Variants in IMMP2L observed in about 807,000 individuals in gnomAD.
IMMP2L encodes the protein mitochondrial inner membrane protease subunit 2.
In IMMP2L, 18 loss-of-function variants were observed where a neutral mutation model predicts 19.3. The observed-to-expected ratio is 0.93, with a 90% confidence interval of 0.64 to 1.38. The LOEUF is 1.38. Ranked by LOEUF, IMMP2L falls within the 40% of genes most tolerant of loss-of-function variation. The pLI is 0.00. For missense variants in IMMP2L, 233 were observed against 218.2 expected (o/e 1.07, Z -0.43); for synonymous variants, 76 against 73.0 (o/e 1.04, Z -0.21).
intron 3 of IMMP2L, among the ~76,000 whole-genome samples, chr7:111,317,762 A>G (rs1824266432): frequency 6.6e-6 from 1 of 152,160 alleles, no homozygotes; most frequent in African/African-American, 2.4e-5. Flanking sequence ...AGAAAAATTT[A>G]AGATGCTTAA....
chr7:110,886,739 G>A, intron 4 of IMMP2L, 44 bp from the exon 5 acceptor site: 1 of 896,176 alleles, frequency 1.1e-6, no homozygotes, highest in Non-Finnish European at 1.9e-6. Context: ...GTAGAAAAGA[G>A]ATCAAACTGC....
intron 3 of IMMP2L, among the ~76,000 whole-genome samples, chr7:111,231,093 C>A (rs951958126): frequency 6.7e-6 from 1 of 150,360 alleles, no homozygotes; most frequent in South Asian, 2.1e-4. Context: ...AATACTGAAA[C>A]CAATAAATTT....
At chr7:110,782,320 TA>T (rs1799797029) in intron 5 of IMMP2L, among the ~76,000 whole-genome samples, 1 of 151,820 alleles carries the variant, frequency 6.6e-6, no homozygotes, top group African/African-American at 2.4e-5. Context: ...AAAATAACAG[TA>T]GGGGAAAAAA....
At chr7:111,141,201 C>T (rs1455453740) in intron 3 of IMMP2L, among the ~76,000 whole-genome samples, 1 of 151,954 alleles carries the variant, frequency 6.6e-6, no homozygotes, top group African/African-American at 2.4e-5. Flanking sequence ...GTGTTACCAC[C>T]AAATTCCATA....
At chr7:110,940,164 A>G (rs1816576893) in intron 4 of IMMP2L, among the ~76,000 whole-genome samples, 1 of 151,786 alleles carries the variant, frequency 6.6e-6, no homozygotes, top group Admixed American at 6.6e-5. Flanking sequence ...TAAAAATACA[A>G]AAAAATTAGC....
At chr7:111,355,211 TA>T (rs1828573736) in intron 3 of IMMP2L, among the ~76,000 whole-genome samples, 1 of 146,322 alleles carries the variant, frequency 6.8e-6, no homozygotes, top group African/African-American at 2.8e-5. Flanking sequence ...AAAGTTCCTT[TA>T]TTTTTTACAA....
chr7:111,276,605 A>G (rs1819087466), intron 3 of IMMP2L, among the ~76,000 whole-genome samples: 1 of 151,040 alleles, frequency 6.6e-6, no homozygotes, highest in Non-Finnish European at 1.5e-5. Flanking sequence ...TTTTCACAGA[A>G]TTAGAAAAAA....
intron 3 of IMMP2L, among the ~76,000 whole-genome samples, chr7:111,169,509 C>G (rs1486711734): frequency 6.6e-6 from 1 of 151,858 alleles, no homozygotes; most frequent in East Asian, 1.9e-4. Context: ...ATTCAGCGTT[C>G]TGAGGGAGAA....
intron 3 of IMMP2L, among the ~76,000 whole-genome samples, chr7:111,290,923 T>C (rs1821040591): frequency 6.6e-6 from 1 of 151,736 alleles, no homozygotes; most frequent in Non-Finnish European, 1.5e-5. Flanking sequence ...CAGTAGAGAT[T>C]TTTGTCTGCT....
rs559623198 is a variant in IMMP2L at position 111,309,988 on chromosome 7, A to C, written c.239+177250T>G. ...GGTGGCTCACACCTGTAATCCCAGC[A>C]CTTTGGGAGGCCAAGGCGGGTGGAT... On this transcript the variant is annotated intron_variant, in intron 3 of 5. Coordinates refer to ENST00000405709, the MANE Select transcript of IMMP2L (RefSeq NM_032549.4). Among the ~76,000 whole-genome samples, 3 of 152,218 alleles carry C rather than the reference A, an allele frequency of 2.0e-5. No homozygotes were observed. The South Asian group carries it at 6.2e-4, about 32-fold the overall frequency.
At chr7:111,534,119 T>C (rs1397779163) in intron 1 of IMMP2L, among the ~76,000 whole-genome samples, 1 of 152,140 alleles carries the variant, frequency 6.6e-6, no homozygotes, top group African/African-American at 2.4e-5. Context: ...ACAAATTTAA[T>C]ATGGTAATAT....
intron 3 of IMMP2L, among the ~76,000 whole-genome samples, chr7:111,440,854 C>A (rs1359863096): frequency 6.6e-6 from 1 of 151,894 alleles, no homozygotes; most frequent in African/African-American, 2.4e-5. Flanking sequence ...TGTCAATTAT[C>A]TTAGCTGGAT....
intron 3 of IMMP2L, among the ~76,000 whole-genome samples, chr7:111,287,302 G>T (rs531513131): frequency 6.6e-6 from 1 of 152,030 alleles, no homozygotes; most frequent in Non-Finnish European, 1.5e-5. Context: ...ATCTCTAAAC[G>T]TACATATTCC....
At chr7:111,283,764 G>A (rs575153550) in intron 3 of IMMP2L, among the ~76,000 whole-genome samples, 174 of 151,884 alleles carry the variant, frequency 1.1e-3, no homozygotes, top group Non-Finnish European at 4.1e-4. Flanking sequence ...GAGGTCAGGA[G>A]ATCGAGACCA....
chr7:111,103,726 G>C (rs559997675), intron 3 of IMMP2L, among the ~76,000 whole-genome samples: 2 of 151,540 alleles, frequency 1.3e-5, no homozygotes, highest in South Asian at 2.1e-4. Context: ...TGTATGTGTC[G>C]GGTGCAGAAG....
At chr7:111,164,828 A>G (rs1054284340) in intron 3 of IMMP2L, among the ~76,000 whole-genome samples, 1 of 151,712 alleles carries the variant, frequency 6.6e-6, no homozygotes, top group South Asian at 2.1e-4. Flanking sequence ...ATTAAAAAAA[A>G]TTTTTTTTGC....
At chr7:111,185,476 G>T (rs1035500957) in intron 3 of IMMP2L, among the ~76,000 whole-genome samples, 2 of 152,080 alleles carry the variant, frequency 1.3e-5, no homozygotes, top group African/African-American at 2.4e-5. Context: ...AGGACTGAAG[G>T]TCTGAAAGTG....
intron 5 of IMMP2L, among the ~76,000 whole-genome samples, chr7:110,876,850 C>A (rs1809127888): frequency 6.6e-6 from 1 of 152,054 alleles, no homozygotes. Context: ...CTCTCCTGTT[C>A]CAAAATGTAA....
intron 4 of IMMP2L, among the ~76,000 whole-genome samples, chr7:110,946,057 C>G (rs1282671457): frequency 1.3e-5 from 2 of 152,122 alleles, no homozygotes; most frequent in Non-Finnish European, 2.9e-5. Context: ...CAAATTCAAG[C>G]AGTTAATTGG....
Sources: allele counts gnomAD v4.1 joint callset (sites outside exome capture counted in the v4.1 genomes callset), GRCh38; gene constraint gnomAD v4.1.1; transcripts MANE v1.5; gene names NCBI Gene and HGNC (gene_info 2026-07-23, HGNC 2026-07-21).